Variants in FGFR2 observed in about 807,000 individuals in gnomAD.
FGFR2 encodes fibroblast growth factor receptor 2, also known as BEK fibroblast growth factor receptor.
In FGFR2, 19 loss-of-function variants were observed where a neutral mutation model predicts 95.9. The observed-to-expected ratio is 0.20, with a 90% CI of 0.14 to 0.29. The LOEUF (loss-of-function observed/expected upper bound fraction) is 0.29. FGFR2 is among the 10% of genes least tolerant of loss of function. FGFR2 has a pLI of 1.00. For missense variants in FGFR2, 707 were observed against 1,056.9 expected, an observed-to-expected ratio of 0.67 and a Z score of 4.59; for synonymous variants, 392 against 393.3, an observed-to-expected ratio of 1.00 and a Z score of 0.04.
intron 5 of FGFR2, among the ~76,000 whole-genome samples, chr10:121,539,801 C>CA (rs1853419618): frequency 6.6e-6 from 1 of 152,214 alleles, no homozygotes; most frequent in Non-Finnish European, 1.5e-5. Flanking sequence ...CAAATACAGG[C>CA]AGAGCATCTG....
At position 121,479,526 on chromosome 10, in the gene FGFR2, T is replaced by C. The variant is rs1409084677; in HGVS notation, c.*331A>G. On this transcript the variant is annotated 3_prime_UTR_variant, in exon 18 of 18. Coordinates refer to ENST00000358487, the MANE Select transcript of FGFR2 (RefSeq NM_000141.5). ...TGTAAGTGTGTGCTGACATAAATCT[T>C]CTCCAATTATTACAAAATTAACAAG... The C allele has an allele frequency of 7.0e-7, 1 of 1,437,514 alleles. No individual in the cohort carries two copies. Among genetic ancestry groups the C allele is most frequent in the African/African-American group, 1.4e-5 (1 of 70,568 alleles). The allele number at this position is 1,437,514 out of a possible 1,614,324, so 89.0% of individuals were successfully genotyped here. A position where few individuals can be genotyped will look rare whatever the true frequency, so the allele number is the denominator to read the frequency against.
intron 1 of FGFR2, among the ~76,000 whole-genome samples, chr10:121,596,890 G>A (rs1011103940): frequency 1.3e-5 from 2 of 151,972 alleles, no homozygotes; most frequent in Non-Finnish European, 2.9e-5. Context: ...GCGCCTGATT[G>A]CTTTTCTATT....
At chr10:121,590,333 T>C (rs1862450526) in intron 2 of FGFR2, among the ~76,000 whole-genome samples, 1 of 152,146 alleles carries the variant, frequency 6.6e-6, no homozygotes, top group African/African-American at 2.4e-5. Context: ...CAGGAAGAAC[T>C]TGAAAGTAAG....
intron 6 of FGFR2, among the ~76,000 whole-genome samples, chr10:121,533,994 C>T (rs191500670): frequency 3.9e-5 from 6 of 152,004 alleles, no homozygotes; most frequent in Admixed American, 1.3e-4. Context: ...CCAAATCAGT[C>T]TCAGGATGGC....
At chr10:121,573,381 C>T (rs1859164276) in intron 2 of FGFR2, among the ~76,000 whole-genome samples, 1 of 152,188 alleles carries the variant, frequency 6.6e-6, no homozygotes. Context: ...TCTAGATCAT[C>T]CTAGTTCCAA....
chr10:121,519,220 T>G (rs1219093974), intron 7 of FGFR2, among the ~76,000 whole-genome samples: 1 of 152,156 alleles, frequency 6.6e-6, no homozygotes, highest in Non-Finnish European at 1.5e-5. Flanking sequence ...CAACTAGACA[T>G]GGGAGGCGTG....
intron 5 of FGFR2, among the ~76,000 whole-genome samples, chr10:121,539,142 T>C (rs1026618463): frequency 6.6e-6 from 1 of 152,220 alleles, no homozygotes; most frequent in African/African-American, 2.4e-5. Context: ...ACATTTATAG[T>C]GAGCATTTAC....
At chr10:121,516,249 CCA>C (rs1849696280) in intron 8 of FGFR2, among the ~76,000 whole-genome samples, 1 of 152,184 alleles carries the variant, frequency 6.6e-6, no homozygotes, top group African/African-American at 2.4e-5. Flanking sequence ...CAGTTAGGCA[CCA>C]CAGAATGCAG....
chr10:121,566,025 G>T, intron 2 of FGFR2: 1 of 441,048 alleles, frequency 2.3e-6, no homozygotes, highest in Non-Finnish European at 4.2e-6. Flanking sequence ...TGCTTGCACT[G>T]TAATACCTGC....
rs1850702958 is a variant in FGFR2, at chr10:121,522,519, G to A, written c.749-2350C>T. 2.0e-5 allele frequency among the ~76,000 whole-genome samples: 3 copies of A among 152,010 alleles called. No individual in the cohort carries two copies. In the South Asian group the frequency reaches 6.2e-4, roughly 32 times the overall value. On this transcript the variant is annotated intron_variant, in intron 6 of 17. Transcript: ENST00000358487. ...TGCAGTGAGCCACGATCATGCCATTGCACTCCAGCCTGGGCAACAGAGTGA... is the reference window on the plus strand; with the variant it reads ...TGCAGTGAGCCACGATCATGCCATTACACTCCAGCCTGGGCAACAGAGTGA...
chr10:121,568,461 T>C (rs1044485027), intron 2 of FGFR2, among the ~76,000 whole-genome samples: 3 of 152,116 alleles, frequency 2.0e-5, no homozygotes, highest in Non-Finnish European at 2.9e-5. Context: ...TTAGCCAGAA[T>C]TGATCACCAG....
At chr10:121,566,745 C>G (rs1857723256) in intron 2 of FGFR2, among the ~76,000 whole-genome samples, 1 of 152,064 alleles carries the variant, frequency 6.6e-6, no homozygotes. Flanking sequence ...CACGGAGACA[C>G]CAAGACCCTA....
At chr10:121,571,165 T>C (rs1410201873) in intron 2 of FGFR2, among the ~76,000 whole-genome samples, 1 of 117,468 alleles carries the variant, frequency 8.5e-6, no homozygotes, top group East Asian at 2.1e-4. Flanking sequence ...ATTTTTGGTA[T>C]TTTTTTTAGT....
chr10:121,576,325 G>C (rs45631611), intron 2 of FGFR2, among the ~76,000 whole-genome samples: 10,734 of 152,308 alleles, frequency 0.07, 371 homozygotes, highest in South Asian at 0.12. Context: ...GCCCCGGCTT[G>C]GATGTACAAT....
At chr10:121,496,815 CTTTTT>C in intron 12 of FGFR2, 93 bp from the exon 13 acceptor site, 1 of 874,490 alleles carries the variant, frequency 1.1e-6, no homozygotes, top group South Asian at 1.5e-5. Flanking sequence ...ACAACCCATG[CTTTTT>C]TTTTTTTTTT....
chr10:121,511,545 T>G (rs2912760), intron 9 of FGFR2, among the ~76,000 whole-genome samples: 100,974 of 152,018 alleles, frequency 0.66, 34,743 homozygotes, highest in East Asian at 0.87. Flanking sequence ...CTGTCCAGCA[T>G]ACCTGTACCA....
chr10:121,580,904 A>T (rs1176699159), intron 2 of FGFR2, among the ~76,000 whole-genome samples: 4 of 119,326 alleles, frequency 3.4e-5, no homozygotes, highest in African/African-American at 1.1e-4. Context: ...TTTAGATCTC[A>T]GAAGGGCTGT....
intron 2 of FGFR2, among the ~76,000 whole-genome samples, chr10:121,587,983 G>T (rs1409643271): frequency 2.0e-5 from 3 of 152,128 alleles, no homozygotes; most frequent in Non-Finnish European, 2.9e-5. Context: ...CAAAGACATG[G>T]AATCTACCTA....
intron 4 of FGFR2, 78 bp downstream of exon 4, chr10:121,564,424 G>T: frequency 1.5e-6 from 2 of 1,338,274 alleles, no homozygotes; most frequent in South Asian, 1.2e-5. Context: ...CAGAAGAGTC[G>T]ACAAGAAGAC....
Sources: gnomAD v4.1 joint callset for allele counts (sites outside exome capture counted in the v4.1 genomes callset) on GRCh38, gnomAD v4.1.1 for gene constraint, MANE v1.5 for transcripts, NCBI Gene and HGNC (gene_info 2026-07-23, HGNC 2026-07-21) for gene names.